Variants in KXD1 observed in about 807,000 individuals in gnomAD.
The protein encoded by KXD1 is kxDL motif-containing protein 1.
In KXD1, 5 loss-of-function variants were observed where a neutral mutation model predicts 12.1. The ratio of observed to expected loss-of-function variants is 0.41; its 90% CI spans 0.22 to 0.87. The LOEUF (loss-of-function observed/expected upper bound fraction) is 0.87, where lower values mean the gene tolerates loss of function less well. KXD1 is among the 40% of genes least tolerant of loss of function. The probability of loss-of-function intolerance (pLI) is 0.31; values close to 1 mark genes in which losing one functional copy is unlikely to be tolerated. For synonymous variants in KXD1, 98 were observed against 100.5 expected (o/e 0.98, Z 0.15); for missense variants, 193 against 244.9 (o/e 0.79, Z 1.41).
intron 2 of KXD1, 39 bp downstream of exon 2, chr19:18,562,196 C>A: frequency 1.4e-6 from 2 of 1,479,656 alleles, no homozygotes; most frequent in Non-Finnish European, 1.8e-6. Context: ...GGGAAGGAAT[C>A]CACAGGCTGG....
intron 4 of KXD1, 160 bp downstream of exon 4, chr19:18,567,338 G>C: frequency 1.4e-6 from 1 of 712,862 alleles, no homozygotes; most frequent in South Asian, 1.7e-5. Context: ...GTGCTGGCCT[G>C]GTCCTGTCAG....
Position 18,569,258 on chromosome 19 carries a change from C to T in KXD1, c.*627C>T, listed in dbSNP as rs1975404196. ...AGGGGCCAGCAGGCCTCTCTGAAGG[C>T]CTCCATGGAGCAAACGGAGCCACCT... is the stretch of plus-strand genomic sequence containing the variant. On this transcript the variant is annotated 3_prime_UTR_variant, in exon 5 of 5. Transcript: ENST00000222307. 1 of 152,810 alleles carries T rather than the reference C, an allele frequency of 6.5e-6. No individual in the cohort carries two copies. The highest frequency in any genetic ancestry group is 2.1e-4 in the South Asian group (1 of 4,830). 9.5% of individuals were successfully genotyped at this position (152,810 alleles called of 1,614,324 possible).
chr19:18,565,088 T>C, intron 3 of KXD1, 67 bp downstream of exon 3: 1 of 1,581,438 alleles, frequency 6.3e-7, no homozygotes, highest in Non-Finnish European at 8.6e-7. Flanking sequence ...AGCCTCAGTT[T>C]CCTTCACATA....
chr19:18,568,391 C>T lies in KXD1; in HGVS notation c.302-11C>T, dbSNP rs756069368. On this transcript the variant is annotated splice_polypyrimidine_tract_variant and intron_variant, in intron 4 of 4. Coordinates refer to ENST00000222307, the MANE Select transcript of KXD1 (RefSeq NM_024069.4). ...GGTGACAAAACCAACTCTTGGGCCT[C>T]CTTCCCCCAGATATCCCAGAGGCAT... The T allele has an allele frequency of 1.9e-6, 3 of 1,607,520 alleles. No homozygotes were observed. The East Asian group carries it at 6.7e-5, about 36-fold the overall frequency.
intron 4 of KXD1, 189 bp downstream of exon 4, chr19:18,567,367 C>A: frequency 1.5e-6 from 1 of 655,180 alleles, no homozygotes. Flanking sequence ...AGAGTGGGCA[C>A]TAGGACGGGA....
intron 4 of KXD1, 142 bp from the exon 5 acceptor site, chr19:18,568,260 C>T (rs140842160): frequency 4.5e-4 from 299 of 660,134 alleles, no homozygotes; most frequent in African/African-American, 3.4e-3. Context: ...AGCGAAACTC[C>T]GTCTCAAAAA....
intron 1 of KXD1, among the ~76,000 whole-genome samples, chr19:18,560,865 C>T (rs1243684704): frequency 1.3e-5 from 2 of 151,968 alleles, no homozygotes; most frequent in Non-Finnish European, 2.9e-5. Flanking sequence ...CACCACCATG[C>T]CTGGCTAATT....
At chr19:18,562,203 C>A in intron 2 of KXD1, 46 bp downstream of exon 2, 1 of 1,442,214 alleles carries the variant, frequency 6.9e-7, no homozygotes, top group Non-Finnish European at 9.5e-7. Flanking sequence ...AATCCACAGG[C>A]TGGCCAACAT....
chr19:18,569,176 C>T lies in KXD1; in HGVS notation c.*545C>T, dbSNP rs879140746. ...AGTCTTGAGACGGAGGCTGGCCATCCATTCAGCCCTGAGCGTGCTGAGTTC... is the reference window on the plus strand; with the variant it reads ...AGTCTTGAGACGGAGGCTGGCCATCTATTCAGCCCTGAGCGTGCTGAGTTC... On this transcript the variant is annotated 3_prime_UTR_variant, in exon 5 of 5. Coordinates refer to ENST00000222307, the MANE Select transcript of KXD1 (RefSeq NM_024069.4). 8 of 159,290 alleles carry T rather than the reference C, an allele frequency of 5.0e-5. No individual in the cohort carries two copies. In the South Asian group the frequency reaches 1.4e-3, roughly 28 times the overall value. The allele number at this position is 159,290 out of a possible 1,614,324, so 9.9% of individuals were successfully genotyped here.
At chr19:18,567,318 C>A in intron 4 of KXD1, 140 bp downstream of exon 4, 1 of 821,386 alleles carries the variant, frequency 1.2e-6, no homozygotes. Context: ...GGGGTGGGGG[C>A]AGGGTCAGGG....
rs1261881090 is a variant in KXD1, at chr19:18,564,990, C to T, written c.223C>T (p.Arg75Trp). 8.1e-6 allele frequency: 13 copies of T among 1,609,184 alleles called. No individual in the cohort carries two copies. The highest frequency in any genetic ancestry group is 3.3e-5 in the South Asian group (3 of 91,080). Reference protein sequence around the residue: ...HHTRTLVEMKRDLDSIFRRIR... With the variant: ...HHTRTLVEMKWDLDSIFRRIR... ...CACGAGGACCCTAGTAGAGATGAAACGGGACCTGGACAGCATCTTCCGCCG... is the reference window on the plus strand; with the variant it reads ...CACGAGGACCCTAGTAGAGATGAAATGGGACCTGGACAGCATCTTCCGCCG... Residue 75 changes from arginine (R) to tryptophan (W), a missense_variant, in exon 3 of 5, where the codon CGG becomes TGG. By Grantham distance (101) the Arg-to-Trp change is moderately radical. Coordinates refer to ENST00000222307, the MANE Select transcript of KXD1 (RefSeq NM_024069.4).
chr19:18,568,369 G>T, intron 4 of KXD1, 33 bp from the exon 5 acceptor site: 2 of 1,557,710 alleles, frequency 1.3e-6, no homozygotes, highest in South Asian at 2.3e-5. Flanking sequence ...TTGGCAAGGT[G>T]ACAAAACCAA....
chr19:18,567,225 C>T, intron 4 of KXD1, 47 bp downstream of exon 4: 1 of 1,598,668 alleles, frequency 6.3e-7, no homozygotes. Flanking sequence ...CAGCACTCTC[C>T]ACCCAGGGCA....
Position 18,568,748 on chromosome 19 carries a change from G to GA in KXD1, c.*117_*118insA. 3 of 725,168 alleles carry GA rather than the reference G, an allele frequency of 4.1e-6. No individual in the cohort carries two copies. Among genetic ancestry groups the GA allele is most frequent in the Non-Finnish European group, 6.8e-6 (3 of 442,038 alleles). 44.9% of individuals were successfully genotyped at this position (725,168 alleles called of 1,614,324 possible). ...TTTGCTGCCCCGTTCTGTCACCCAG[G>GA]GCTCCTAGGGGGACAAGGCTCTCTC... On this transcript the variant is annotated 3_prime_UTR_variant, in exon 5 of 5. Transcript: ENST00000222307.
rs1226847114 is a variant in KXD1 at position 18,569,024 on chromosome 19, C to G, written c.*393C>G. 3 of 236,688 alleles carry G rather than the reference C, an allele frequency of 1.3e-5. No homozygotes were observed. The Admixed American group carries it at 1.5e-4, about 12-fold the overall frequency. The allele number at this position is 236,688 out of a possible 1,614,324, so 14.7% of individuals were successfully genotyped here. The stretch of plus-strand genomic sequence containing the variant: ...AGGACCTCCTTGAGGTGCACAAGCA[C>G]GGTCTCCTCTGAGTTCACCCCAGCC... On this transcript the variant is annotated 3_prime_UTR_variant, in exon 5 of 5. Transcript: ENST00000222307.
At position 18,568,797 on chromosome 19, in the gene KXD1, G is replaced by A; in HGVS notation, c.*166G>A. ...TCCCGAGGGGTGTGGAATTCCTGGG[G>A]GGGTCTTTAATTCTGGCTCCTTCCT... On this transcript the variant is annotated 3_prime_UTR_variant, in exon 5 of 5. Coordinates refer to ENST00000222307, the MANE Select transcript of KXD1 (RefSeq NM_024069.4). 1 of 604,548 alleles carries A rather than the reference G, an allele frequency of 1.7e-6. No individual in the cohort carries two copies. The highest frequency in any genetic ancestry group is 2.9e-6 in the Non-Finnish European group (1 of 342,070). The allele number at this position is 604,548 out of a possible 1,614,324, so 37.4% of individuals were successfully genotyped here. A position where few individuals can be genotyped will look rare whatever the true frequency, so the allele number is the denominator to read the frequency against.
chr19:18,561,990 C>G (rs1974936715), intron 1 of KXD1, 46 bp from the exon 2 acceptor site: 1 of 1,337,468 alleles, frequency 7.5e-7, no homozygotes, highest in South Asian at 1.3e-5. Context: ...TTGGTCCCAC[C>G]TCACCTGGTG....
chr19:18,568,461 A>G lies in KXD1; in HGVS notation c.361A>G (p.Thr121Ala), dbSNP rs976395476. 1.2e-6 allele frequency: 2 copies of G among 1,613,690 alleles called. No homozygotes were observed. The highest frequency in any genetic ancestry group is 2.7e-5 in the African/African-American group (2 of 74,786). ...EDEDPIPPSTTTTIATSEQST... is the reference protein window; with the variant it reads ...EDEDPIPPSTATTIATSEQST... ...TGAAGACCCCATCCCACCCAGCACC[A>G]CGACCACCATTGCCACCTCAGAACA... The change falls in exon 5 of 5, where the codon ACG becomes GCG. Residue 121 changes from threonine (T) to alanine (A), a missense_variant. Coordinates refer to ENST00000222307, the MANE Select transcript of KXD1 (RefSeq NM_024069.4).
intron 2 of KXD1, among the ~76,000 whole-genome samples, chr19:18,564,327 A>G (rs768561845): frequency 6.6e-5 from 10 of 152,102 alleles, no homozygotes; most frequent in Non-Finnish European, 1.5e-4. Flanking sequence ...GTGGAATTAA[A>G]AGAGTCTGAT....
Sources: gnomAD v4.1 joint callset for allele counts (sites outside exome capture counted in the v4.1 genomes callset) on GRCh38, gnomAD v4.1.1 for gene constraint, MANE v1.5 for transcripts, NCBI Gene and HGNC (gene_info 2026-07-23, HGNC 2026-07-21) for gene names.